Variants in PEF1 observed in about 807,000 individuals in gnomAD.
PEF1 encodes the protein penta-EF-hand domain containing 1.
A neutral mutation model predicts 32.0 loss-of-function variants in PEF1; 17 were observed. The ratio of observed to expected loss-of-function variants is 0.53; its 90% CI spans 0.36 to 0.80. The LOEUF is 0.80. Ranked by LOEUF, PEF1 falls within the 30% of genes least tolerant of loss-of-function variation. The pLI is 0.00. For missense variants in PEF1, 362 were observed against 369.1 expected (o/e 0.98, Z 0.16); for synonymous variants, 130 against 139.8 (o/e 0.93, Z 0.50).
chr1:31,642,053 G>A lies in PEF1; in HGVS notation c.24+2788C>T, dbSNP rs1052298211. ...TTGAGACCAGCCTGGCCAACATGGCGAAACCCCGTCTCTACTAAAAATACA... is the reference window on the plus strand; with the variant it reads ...TTGAGACCAGCCTGGCCAACATGGCAAAACCCCGTCTCTACTAAAAATACA... On this transcript the variant is annotated intron_variant, in intron 1 of 4. Transcript: ENST00000373703. 7.2e-5 allele frequency among the ~76,000 whole-genome samples: 11 copies of A among 152,192 alleles called. No homozygotes were observed. In the South Asian group the frequency reaches 8.3e-4, roughly 11 times the overall value.
At chr1:31,644,380 T>C (rs1640490816) in intron 1 of PEF1, 1 of 1,012,082 alleles carries the variant, frequency 9.9e-7, no homozygotes, top group African/African-American at 1.7e-5. Context: ...ACCAGCTCAC[T>C]TGTGGCGCCT....
intron 2 of PEF1, 193 bp downstream of exon 2, chr1:31,635,029 A>C: frequency 1.3e-6 from 1 of 780,758 alleles, no homozygotes; most frequent in Non-Finnish European, 2.2e-6. Flanking sequence ...AGCATGAGCA[A>C]GCAATACAAA....
chr1:31,641,068 A>ACTT (rs1288219763), intron 1 of PEF1, among the ~76,000 whole-genome samples: 8 of 152,222 alleles, frequency 5.3e-5, no homozygotes, highest in Non-Finnish European at 8.8e-5. Context: ...CCATCCCCAG[A>ACTT]CTTCAATTAC....
Position 31,630,255 on chromosome 1 carries a change from A to C in PEF1, c.*358T>G, listed in dbSNP as rs1640057734. The C allele has an allele frequency of 3.2e-6, 1 of 311,182 alleles. No homozygotes were observed. Among genetic ancestry groups the C allele is most frequent in the Non-Finnish European group, 6.3e-6 (1 of 159,578 alleles). 19.3% of individuals were successfully genotyped at this position (311,182 alleles called of 1,614,324 possible). On this transcript the variant is annotated 3_prime_UTR_variant, in exon 5 of 5. Coordinates refer to ENST00000373703, the MANE Select transcript of PEF1 (RefSeq NM_012392.4). ...AGGGAACACAGGTACTAACGGTAAC[A>C]GGCCGATGAACACTCACCACTGGCA...
chr1:31,634,698 C>T (rs1048179622), intron 2 of PEF1: 8 of 358,954 alleles, frequency 2.2e-5, no homozygotes, highest in Non-Finnish European at 4.4e-5. Flanking sequence ...ATCTCCCCTT[C>T]CCTATAAGAG....
At chr1:31,635,063 T>A (rs1640216717) in intron 2 of PEF1, 159 bp downstream of exon 2, 2 of 956,570 alleles carry the variant, frequency 2.1e-6, no homozygotes, top group South Asian at 2.9e-5. Context: ...CAAAACTAGC[T>A]GACAAACTTA....
At chr1:31,636,653 C>T (rs1640261421) in intron 1 of PEF1, among the ~76,000 whole-genome samples, 17 of 152,178 alleles carry the variant, frequency 1.1e-4, no homozygotes. Context: ...CTATGTGAAG[C>T]CCTTTGACAT....
chr1:31,638,338 C>G (rs563212526), intron 1 of PEF1, among the ~76,000 whole-genome samples: 2 of 152,278 alleles, frequency 1.3e-5, no homozygotes, highest in South Asian at 4.1e-4. Flanking sequence ...CTGGACCACT[C>G]CCTTGCACCC....
At chr1:31,635,929 A>G (rs1332845418) in intron 1 of PEF1, among the ~76,000 whole-genome samples, 1 of 152,164 alleles carries the variant, frequency 6.6e-6, no homozygotes, top group Non-Finnish European at 1.5e-5. Context: ...TGGTACTCCC[A>G]TCTCTATCTG....
intron 1 of PEF1, among the ~76,000 whole-genome samples, chr1:31,637,519 C>T (rs1640283176): frequency 6.6e-6 from 1 of 151,848 alleles, no homozygotes; most frequent in Non-Finnish European, 1.5e-5. Context: ...TGGTGGTACA[C>T]ATGTAGTCCC....
At position 31,638,531 on chromosome 1, in the gene PEF1, A is replaced by G. The variant is rs1178667494; in HGVS notation, c.25-3009T>C. On this transcript the variant is annotated intron_variant, in intron 1 of 4. Transcript: ENST00000373703. ...CCCTGTGAGCAAAGCTATAAACCGC[A>G]CCTGGCACCTAGGAAAACCCACCTA... is the stretch of plus-strand genomic sequence containing the variant. 2.0e-5 allele frequency among the ~76,000 whole-genome samples: 3 copies of G among 152,196 alleles called. 1 individual carries two copies. The highest frequency in any genetic ancestry group is 7.2e-5 in the African/African-American group (3 of 41,442).
chr1:31,632,698 C>T lies in PEF1; in HGVS notation c.482-60G>A, dbSNP rs543617707. ...TTCAAGACTGAAGGCCAAGGGTCCC[C>T]CTCAGGACCCATTGAGGCAGCCCTT... On this transcript the variant is annotated intron_variant, in intron 3 of 4. Transcript: ENST00000373703. 97 of 1,564,484 alleles carry T rather than the reference C, an allele frequency of 6.2e-5. No homozygotes were observed. The African/African-American group carries it at 1.3e-3, about 20-fold the overall frequency.
chr1:31,633,873 TGAACCC>T (rs1374478400), intron 2 of PEF1, among the ~76,000 whole-genome samples: 1 of 151,530 alleles, frequency 6.6e-6, no homozygotes, highest in African/African-American at 2.4e-5. Context: ...GAGAATCGCT[TGAACCC>T]GGGAGGTGGA....
At chr1:31,642,968 G>A (rs1640441042) in intron 1 of PEF1, among the ~76,000 whole-genome samples, 1 of 152,208 alleles carries the variant, frequency 6.6e-6, no homozygotes, top group Non-Finnish European at 1.5e-5. Flanking sequence ...ACTGCTTTTA[G>A]GATGCACACC....
intron 1 of PEF1, among the ~76,000 whole-genome samples, chr1:31,638,542 A>G (rs985836455): frequency 6.6e-6 from 1 of 152,210 alleles, no homozygotes; most frequent in Non-Finnish European, 1.5e-5. Context: ...CCTGGCACCT[A>G]GGAAAACCCA....
intron 1 of PEF1, chr1:31,644,072 T>C (rs976964637): frequency 1.3e-5 from 2 of 152,292 alleles, no homozygotes; most frequent in East Asian, 1.9e-4. Flanking sequence ...CAAAACAGCT[T>C]GCTCAAGGGC....
chr1:31,635,356 T>C lies in PEF1; in HGVS notation c.191A>G (p.Tyr64Cys), dbSNP rs756072857. Residue 64 changes from tyrosine to cysteine, a missense_variant, in exon 2 of 5, where the codon TAT (tyrosine) becomes TGT (cysteine). Transcript: ENST00000373703. ...GAACATCCCAGGATTGGGGTGTCCATAGGGCCCTCCACCAGCTGGTGGTCC... is the reference window on the plus strand; with the variant it reads ...GAACATCCCAGGATTGGGGTGTCCACAGGGCCCTCCACCAGCTGGTGGTCC... ...PYGPPAGGGP[Y>C]GHPNPGMFPS... 1.1e-5 allele frequency: 18 copies of C among 1,613,774 alleles called. No individual in the cohort carries two copies. The highest frequency in any genetic ancestry group is 3.3e-4 in the Middle Eastern group (2 of 6,024).
rs1640392713 is a variant in PEF1, at chr1:31,641,642, G to GC, written c.24+3198dup. 2.6e-5 allele frequency among the ~76,000 whole-genome samples: 4 copies of GC among 152,290 alleles called. No individual in the cohort carries two copies. The South Asian group carries it at 8.3e-4, about 32-fold the overall frequency. On this transcript the variant is annotated intron_variant, in intron 1 of 4. Coordinates refer to ENST00000373703, the MANE Select transcript of PEF1 (RefSeq NM_012392.4). The stretch of plus-strand genomic sequence containing the variant: ...TGCAGCTATTTCCTCTGCTGGAATA[G>GC]CATTCCTTTCTTCACTCAGCTAATT...
intron 1 of PEF1, among the ~76,000 whole-genome samples, chr1:31,638,359 C>T (rs1640311580): frequency 6.6e-6 from 1 of 152,160 alleles, no homozygotes; most frequent in African/African-American, 2.4e-5. Flanking sequence ...AATGACTCCC[C>T]CTGCCTCCTG....
Sources: allele counts gnomAD v4.1 joint callset (sites outside exome capture counted in the v4.1 genomes callset), GRCh38; gene constraint gnomAD v4.1.1; transcripts MANE v1.5; gene names NCBI Gene and HGNC (gene_info 2026-07-23, HGNC 2026-07-21).